The following DERL3 variants were observed in gnomAD, a reference collection of about 807,000 sequenced individuals.
DERL3 encodes the protein derlin-3.
DERL3 carries 20 observed loss-of-function variants against 23.8 expected under a neutral mutation model. The ratio of observed to expected loss-of-function variants is 0.84; its 90% CI spans 0.59 to 1.22. The LOEUF (loss-of-function observed/expected upper bound fraction) is 1.22. DERL3 is among the 50% of genes most tolerant of loss of function. DERL3 has a pLI of 0.00. For missense variants in DERL3, 319 were observed against 304.1 expected, an observed-to-expected ratio of 1.05 and a Z score of -0.36; for synonymous variants, 145 against 132.5, an observed-to-expected ratio of 1.09 and a Z score of -0.65.
Position 23,838,412 on chromosome 22 carries a change from G to A in DERL3, c.267C>T (p.Ser89=). ...CGAAGTCGGCCGTGCGGCCGCGGAA[G>A]GAGCCCTCTTCCAGCATGCGGCAGT... ...FRYCRMLEEG[S]FRGRTADFVF... The change falls in exon 4 of 7, where the codon TCC becomes TCT. Residue 89 remains serine (S), a synonymous_variant. Transcript: ENST00000318109. 5.6e-6 allele frequency: 9 copies of A among 1,609,712 alleles called. No homozygotes were observed. Among genetic ancestry groups the A allele is most frequent in the Non-Finnish European group, 6.8e-6 (8 of 1,177,986 alleles).
chr22:23,838,401 C>T lies in DERL3; in HGVS notation c.278G>A (p.Arg93His). 6.2e-7 allele frequency: 1 copy of T among 1,609,574 alleles called. No homozygotes were observed. Among genetic ancestry groups the T allele is most frequent in the Non-Finnish European group, 8.5e-7 (1 of 1,177,926 alleles). The change falls in exon 4 of 7, where the codon CGC becomes CAC. Residue 93 changes from arginine (R) to histidine (H), a missense_variant. Arg to His is a conservative substitution (Grantham distance 29). Coordinates refer to ENST00000318109, the MANE Select transcript of DERL3 (RefSeq NM_001002862.3). ...RMLEEGSFRGRTADFVFMFLF... is the reference protein window; with the variant it reads ...RMLEEGSFRGHTADFVFMFLF... Reference sequence around the variant, plus strand: ...AAACATGAAGACGAAGTCGGCCGTGCGGCCGCGGAAGGAGCCCTCTTCCAG... The same window carrying T: ...AAACATGAAGACGAAGTCGGCCGTGTGGCCGCGGAAGGAGCCCTCTTCCAG...
intron 5 of DERL3, 61 bp from the exon 6 acceptor site, chr22:23,837,215 A>T (rs45493895): frequency 1.9e-6 from 3 of 1,581,406 alleles, no homozygotes; most frequent in Non-Finnish European, 2.6e-6. Flanking sequence ...AGACCAGCAG[A>T]GCCTGCCCCA....
At chr22:23,838,836 C>T (rs1052231028) in intron 1 of DERL3, 59 bp downstream of exon 1, 3 of 1,550,680 alleles carry the variant, frequency 1.9e-6, no homozygotes, top group African/African-American at 2.7e-5. Flanking sequence ...CATGGCGACC[C>T]TCACCCCTCC....
chr22:23,834,987 C>T lies in DERL3; in HGVS notation c.*1882G>A, dbSNP rs1347735085. Reference sequence around the variant, plus strand: ...TGCTGGGCTGTCGCCAGCCTGGGTGCAGGAGGGCTGTTCTAGCTCCAGTGG... The same window carrying T: ...TGCTGGGCTGTCGCCAGCCTGGGTGTAGGAGGGCTGTTCTAGCTCCAGTGG... On this transcript the variant is annotated 3_prime_UTR_variant, in exon 7 of 7. Coordinates refer to ENST00000318109, the MANE Select transcript of DERL3 (RefSeq NM_001002862.3). The T allele has an allele frequency of 4.6e-6, 7 of 1,510,738 alleles. No individual in the cohort carries two copies. The highest frequency in any genetic ancestry group is 6.2e-6 in the Non-Finnish European group (7 of 1,132,248). 93.6% of individuals were successfully genotyped at this position (1,510,738 alleles called of 1,614,324 possible).
intron 4 of DERL3, 39 bp downstream of exon 4, chr22:23,838,313 C>T: frequency 6.4e-7 from 1 of 1,565,896 alleles, no homozygotes; most frequent in East Asian, 2.4e-5. Flanking sequence ...GACGCCGAGG[C>T]GCCCTAGCCC....
Position 23,836,977 on chromosome 22 carries a change from C to A in DERL3, c.615-15G>T. 6.2e-7 allele frequency: 1 copy of A among 1,604,618 alleles called. No individual in the cohort carries two copies. The highest frequency in any genetic ancestry group is 8.5e-7 in the Non-Finnish European group (1 of 1,175,722). The stretch of plus-strand genomic sequence containing the variant: ...GGAGCAGCTTTCTGTGGGGAGGGGC[C>A]CGTGTTGAGCACAGGCCAGCACAGG... On this transcript the variant is annotated splice_polypyrimidine_tract_variant and intron_variant, in intron 6 of 6. Coordinates refer to ENST00000318109, the MANE Select transcript of DERL3 (RefSeq NM_001002862.3).
In DERL3 at chr22:23,836,190, C is replaced by T; in HGVS notation, c.*679G>A. On this transcript the variant is annotated 3_prime_UTR_variant, in exon 7 of 7. Transcript: ENST00000318109. Reference sequence around the variant, plus strand: ...TCTCAGAACTCTGCTAAGGTGAAAACTTAGGCTCTGAGGTCATAGAAAGGG... The same window carrying T: ...TCTCAGAACTCTGCTAAGGTGAAAATTTAGGCTCTGAGGTCATAGAAAGGG... 1.0e-6 allele frequency: 1 copy of T among 985,462 alleles called. No homozygotes were observed. The highest frequency in any genetic ancestry group is 1.2e-6 in the Non-Finnish European group (1 of 829,934). The allele number at this position is 985,462 out of a possible 1,614,324, so 61.0% of individuals were successfully genotyped here.
In DERL3 at chr22:23,834,530, A is replaced by G; in HGVS notation, c.*2339T>C. 5.7e-6 allele frequency: 4 copies of G among 698,564 alleles called. No homozygotes were observed. Among genetic ancestry groups the G allele is most frequent in the South Asian group, 3.0e-5 (2 of 66,646 alleles). The allele number at this position is 698,564 out of a possible 1,614,324, so 43.3% of individuals were successfully genotyped here. A position where few individuals can be genotyped will look rare whatever the true frequency, so the allele number is the denominator to read the frequency against. ...CAATTTCTTCAACAGGTCATGTTCA[A>G]TTTCTTCAAAGTTTTAACATAAAAA... On this transcript the variant is annotated 3_prime_UTR_variant, in exon 7 of 7. Coordinates refer to ENST00000318109, the MANE Select transcript of DERL3 (RefSeq NM_001002862.3).
rs536823679 is a variant in DERL3 at position 23,834,705 on chromosome 22, C to G, written c.*2164G>C. The G allele has an allele frequency of 2.2e-6, 3 of 1,352,734 alleles. No individual in the cohort carries two copies. Among genetic ancestry groups the G allele is most frequent in the Non-Finnish European group, 3.0e-6 (3 of 1,009,904 alleles). The allele number at this position is 1,352,734 out of a possible 1,614,324, so 83.8% of individuals were successfully genotyped here. ...CTCCGGGTAGCACCTCAGCTCCTCTCAGCTCCCCTCAGCCTGTTCTCCTTC... is the reference window on the plus strand; with the variant it reads ...CTCCGGGTAGCACCTCAGCTCCTCTGAGCTCCCCTCAGCCTGTTCTCCTTC... On this transcript the variant is annotated 3_prime_UTR_variant, in exon 7 of 7. Transcript: ENST00000318109.
chr22:23,834,828 C>T lies in DERL3; in HGVS notation c.*2041G>A, dbSNP rs1362974404. 1.2e-6 allele frequency: 2 copies of T among 1,610,960 alleles called. No individual in the cohort carries two copies. The highest frequency in any genetic ancestry group is 1.3e-5 in the African/African-American group (1 of 75,036). ...TAACCCTGCTCCCCTTGCTTGGCCT[C>T]AGGAAGGTGCCGCGAGCTCTCCTGC... On this transcript the variant is annotated 3_prime_UTR_variant, in exon 7 of 7. Transcript: ENST00000318109.
At position 23,837,169 on chromosome 22, in the gene DERL3, C is replaced by T. The variant is rs746897426; in HGVS notation, c.524-15G>A. 1.1e-5 allele frequency: 18 copies of T among 1,613,422 alleles called. No individual in the cohort carries two copies. Among genetic ancestry groups the T allele is most frequent in the Admixed American group, 6.7e-5 (4 of 59,948 alleles). On this transcript the variant is annotated splice_polypyrimidine_tract_variant and intron_variant, in intron 5 of 6. Transcript: ENST00000318109. ...CACCGCAATCCCTGTGAGACAGCCACGGACTGTGGGGTCACCCTCCACAGC... is the reference window on the plus strand; with the variant it reads ...CACCGCAATCCCTGTGAGACAGCCATGGACTGTGGGGTCACCCTCCACAGC...
Position 23,834,940 on chromosome 22 carries a change from G to A in DERL3, c.*1929C>T. The A allele has an allele frequency of 1.2e-6, 2 of 1,604,370 alleles. No individual in the cohort carries two copies. Among genetic ancestry groups the A allele is most frequent in the Non-Finnish European group, 8.5e-7 (1 of 1,177,178 alleles). ...TTGCTGCTCTGAAGTCCCCTGCGGAGGGCCCAGTCCTGTGTGGGCACTGCT... is the reference window on the plus strand; with the variant it reads ...TTGCTGCTCTGAAGTCCCCTGCGGAAGGCCCAGTCCTGTGTGGGCACTGCT... On this transcript the variant is annotated 3_prime_UTR_variant, in exon 7 of 7. Coordinates refer to ENST00000318109, the MANE Select transcript of DERL3 (RefSeq NM_001002862.3).
chr22:23,836,998 A>C (rs748051720), intron 6 of DERL3, 36 bp from the exon 7 acceptor site: 1 of 1,611,270 alleles, frequency 6.2e-7, no homozygotes, highest in Non-Finnish European at 8.5e-7. Context: ...ACAGGCCAGC[A>C]CAGGTCCCCA....
chr22:23,836,562 C>G lies in DERL3; in HGVS notation c.*307G>C. 2 of 1,103,412 alleles carry G rather than the reference C, an allele frequency of 1.8e-6. No individual in the cohort carries two copies. The highest frequency in any genetic ancestry group is 1.1e-4 in the East Asian group (2 of 18,772). 68.4% of individuals were successfully genotyped at this position (1,103,412 alleles called of 1,614,324 possible). On this transcript the variant is annotated 3_prime_UTR_variant, in exon 7 of 7. Transcript: ENST00000318109. ...GAGCTCAAAAGCTCTGCCTGGCAACCTGTGAGCTCAAAGCTCTGCCAGGCA... is the reference window on the plus strand; with the variant it reads ...GAGCTCAAAAGCTCTGCCTGGCAACGTGTGAGCTCAAAGCTCTGCCAGGCA...
At chr22:23,838,803 C>G in intron 1 of DERL3, 27 bp from the exon 2 acceptor site, 1 of 1,551,164 alleles carries the variant, frequency 6.4e-7, no homozygotes, top group East Asian at 2.4e-5. Flanking sequence ...CAGTCAAGAG[C>G]TGCCCGGGAG....
chr22:23,837,424 C>G, intron 5 of DERL3: 1 of 641,670 alleles, frequency 1.6e-6, no homozygotes, highest in South Asian at 2.0e-5. Flanking sequence ...CTCCCATCCT[C>G]ACTCCCATCA....
chr22:23,837,653 G>C lies in DERL3; in HGVS notation c.523+6C>G, dbSNP rs2031191786. On this transcript the variant is annotated splice_donor_region_variant and intron_variant, in intron 5 of 6. Coordinates refer to ENST00000318109, the MANE Select transcript of DERL3 (RefSeq NM_001002862.3). ...TGGGGCGGACTAGATGTACCGGGAG[G>C]CTCACCCAGCAGGTCCACGAGGATG... The C allele has an allele frequency of 2.5e-6, 4 of 1,610,952 alleles. No individual in the cohort carries two copies. Among genetic ancestry groups the C allele is most frequent in the Non-Finnish European group, 3.4e-6 (4 of 1,178,018 alleles).
In DERL3 at chr22:23,835,122, G is replaced by A. The variant is rs566325045; in HGVS notation, c.*1747C>T. 1.5e-4 allele frequency: 202 copies of A among 1,372,026 alleles called. No homozygotes were observed. The highest frequency in any genetic ancestry group is 7.3e-4 in the Admixed American group (22 of 30,074). 85.0% of individuals were successfully genotyped at this position (1,372,026 alleles called of 1,614,324 possible). A position where few individuals can be genotyped will look rare whatever the true frequency, so the allele number is the denominator to read the frequency against. On this transcript the variant is annotated 3_prime_UTR_variant, in exon 7 of 7. Coordinates refer to ENST00000318109, the MANE Select transcript of DERL3 (RefSeq NM_001002862.3). ...TGAGGAATATGGGAATAGCCCTCCC[G>A]GCCTGGTGCCAGCTCTTGGAGTTGA...
chr22:23,838,199 C>A, intron 4 of DERL3, 153 bp downstream of exon 4: 2 of 1,547,892 alleles, frequency 1.3e-6, no homozygotes, highest in Non-Finnish European at 1.7e-6. Flanking sequence ...GCCCTGACCC[C>A]TGCAGCTGAG....
Sources: allele counts gnomAD v4.1 joint callset, GRCh38; gene constraint gnomAD v4.1.1; transcripts MANE v1.5; gene names NCBI Gene and HGNC (gene_info 2026-07-23, HGNC 2026-07-21).